Variants in CHSY3 observed in about 807,000 individuals in gnomAD.
CHSY3 encodes the protein N-acetylgalactosaminyl-proteoglycan 3-beta-glucuronosyltransferase 3.
A neutral mutation model predicts 67.2 loss-of-function variants in CHSY3; 35 were observed. The ratio of observed to expected loss-of-function variants is 0.52; its 90% CI spans 0.40 to 0.69. The LOEUF is 0.69. Ranked by LOEUF, CHSY3 falls within the 30% of genes least tolerant of loss-of-function variation. The pLI is 0.00. For synonymous variants in CHSY3, 474 were observed against 434.7 expected, an observed-to-expected ratio of 1.09 and a Z score of -1.12; for missense variants, 1,069 against 1,138.5, an observed-to-expected ratio of 0.94 and a Z score of 0.88.
intron 2 of CHSY3, among the ~76,000 whole-genome samples, chr5:130,013,546 G>A (rs145791258): frequency 6.6e-5 from 10 of 152,278 alleles, no homozygotes; most frequent in African/African-American, 9.6e-5. Context: ...CCAACACCAC[G>A]TGGAGGCTGC....
chr5:130,182,332 C>T (rs1171435698), intron 2 of CHSY3, among the ~76,000 whole-genome samples: 3 of 151,978 alleles, frequency 2.0e-5, no homozygotes, highest in Admixed American at 6.6e-5. Flanking sequence ...TGTCACTTTT[C>T]TGCTAGGTTT....
In CHSY3 at chr5:130,082,483, C is replaced by A. The variant is rs552679436; in HGVS notation, c.1087-101746C>A. Among the ~76,000 whole-genome samples the A allele has an allele frequency of 3.7e-4, 56 of 152,086 alleles. 1 individual carries two copies. The South Asian group carries it at 7.9e-3, about 21-fold the overall frequency. On this transcript the variant is annotated intron_variant, in intron 2 of 2. Coordinates refer to ENST00000305031, the MANE Select transcript of CHSY3 (RefSeq NM_175856.5). Reference sequence around the variant, plus strand: ...TGTGTTTGATCCAATAAAACATTTTCTTTTAATGATTTCTCTTAACGATGT... The same window carrying A: ...TGTGTTTGATCCAATAAAACATTTTATTTTAATGATTTCTCTTAACGATGT...
intron 2 of CHSY3, among the ~76,000 whole-genome samples, chr5:129,960,711 A>G (rs923235238): frequency 3.3e-5 from 5 of 152,042 alleles, no homozygotes; most frequent in Middle Eastern, 3.2e-3. Context: ...TGTTTTATGT[A>G]TGAAATATTT....
At chr5:130,073,508 G>A (rs1766155347) in intron 2 of CHSY3, among the ~76,000 whole-genome samples, 1 of 151,814 alleles carries the variant, frequency 6.6e-6, no homozygotes, top group South Asian at 2.1e-4. Context: ...GGCTGGTCTT[G>A]AACACCCGCC....
rs141396504 is a variant in CHSY3, at chr5:129,968,956, G to T, written c.1086+60596G>T. Among the ~76,000 whole-genome samples the T allele has an allele frequency of 5.6e-3, 844 of 151,768 alleles. 7 individuals carry two copies. Among genetic ancestry groups the T allele is most frequent in the South Asian group, 8.9e-3 (43 of 4,820 alleles). On this transcript the variant is annotated intron_variant, in intron 2 of 2. Coordinates refer to ENST00000305031, the MANE Select transcript of CHSY3 (RefSeq NM_175856.5). ...ATCTGTATGTAACACATTCCTTGGG[G>T]GAATTCTTAATCACTGACTTATTTT...
intron 2 of CHSY3, among the ~76,000 whole-genome samples, chr5:130,124,594 T>A (rs149957672): frequency 6.6e-6 from 1 of 152,186 alleles, no homozygotes; most frequent in African/African-American, 2.4e-5. Context: ...TAGCTGAGAT[T>A]ACAGGCGCCC....
At chr5:129,924,765 T>G (rs1159731267) in intron 2 of CHSY3, among the ~76,000 whole-genome samples, 1 of 152,110 alleles carries the variant, frequency 6.6e-6, no homozygotes, top group Non-Finnish European at 1.5e-5. Context: ...AATTGAATTA[T>G]TGTTTTAAGA....
chr5:129,911,282 T>C (rs1269328672), intron 2 of CHSY3, among the ~76,000 whole-genome samples: 8 of 152,190 alleles, frequency 5.3e-5, no homozygotes, highest in African/African-American at 1.9e-4. Flanking sequence ...TCTGTGTTTG[T>C]ATATACTATT....
chr5:130,093,290 T>G (rs942412951), intron 2 of CHSY3, among the ~76,000 whole-genome samples: 2 of 152,186 alleles, frequency 1.3e-5, no homozygotes, highest in Non-Finnish European at 2.9e-5. Flanking sequence ...GATCATGTCT[T>G]GTTGTTTTTG....
chr5:130,123,754 A>G (rs968059944), intron 2 of CHSY3, among the ~76,000 whole-genome samples: 3 of 152,082 alleles, frequency 2.0e-5, no homozygotes, highest in Non-Finnish European at 4.4e-5. Flanking sequence ...TGATGACAAA[A>G]TATAAAGAAG....
At chr5:130,040,499 T>G (rs2429191) in intron 2 of CHSY3, among the ~76,000 whole-genome samples, 81,665 of 152,014 alleles carry the variant, frequency 0.54, 22,344 homozygotes, top group East Asian at 0.67. Context: ...TTTGTCCATA[T>G]TTAATTTTGA....
At chr5:129,944,620 A>G (rs1761798308) in intron 2 of CHSY3, among the ~76,000 whole-genome samples, 1 of 152,142 alleles carries the variant, frequency 6.6e-6, no homozygotes. Flanking sequence ...GGTGTGAGCC[A>G]CCGCGCCCAG....
chr5:130,145,558 C>A (rs956015050), intron 2 of CHSY3, among the ~76,000 whole-genome samples: 1 of 152,028 alleles, frequency 6.6e-6, no homozygotes, highest in Non-Finnish European at 1.5e-5. Flanking sequence ...ATTTTTAAAC[C>A]AAGACCTCAA....
intron 2 of CHSY3, among the ~76,000 whole-genome samples, chr5:130,084,854 C>G: frequency 6.6e-6 from 1 of 151,814 alleles, no homozygotes; most frequent in East Asian, 2.0e-4. Context: ...AAGGGAGTGT[C>G]TGGGTTAAGA....
At chr5:129,938,242 T>G (rs1439635218) in intron 2 of CHSY3, among the ~76,000 whole-genome samples, 4 of 152,030 alleles carry the variant, frequency 2.6e-5, no homozygotes, top group Non-Finnish European at 4.4e-5. Flanking sequence ...CTGCATAGAG[T>G]AAGGGGGCCT....
chr5:130,104,103 A>G (rs1767339116), intron 2 of CHSY3, among the ~76,000 whole-genome samples: 1 of 151,858 alleles, frequency 6.6e-6, no homozygotes, highest in Non-Finnish European at 1.5e-5. Context: ...GCATGTTTAT[A>G]AGGTTGATTC....
At position 130,186,143 on chromosome 5, in the gene CHSY3, C is replaced by T. The variant is rs1019669451; in HGVS notation, c.*352C>T. 21 of 154,820 alleles carry T rather than the reference C, an allele frequency of 1.4e-4. No individual in the cohort carries two copies. The highest frequency in any genetic ancestry group is 4.1e-4 in the South Asian group (2 of 4,850). 9.6% of individuals were successfully genotyped at this position (154,820 alleles called of 1,614,324 possible). A position where few individuals can be genotyped will look rare whatever the true frequency, so the allele number is the denominator to read the frequency against. On this transcript the variant is annotated 3_prime_UTR_variant, in exon 3 of 3. Coordinates refer to ENST00000305031, the MANE Select transcript of CHSY3 (RefSeq NM_175856.5). ...CTCTTGGGGCTTAAAGATGCAATAT[C>T]GACTTTTATTTGGTTTCTCAAATTC...
chr5:130,138,929 A>C (rs1768763331), intron 2 of CHSY3, among the ~76,000 whole-genome samples: 1 of 152,148 alleles, frequency 6.6e-6, no homozygotes, highest in South Asian at 2.1e-4. Context: ...ATTTTTGGTG[A>C]ATTCATCATT....
intron 2 of CHSY3, among the ~76,000 whole-genome samples, chr5:130,149,743 A>G (rs1211008599): frequency 6.6e-6 from 1 of 152,218 alleles, no homozygotes; most frequent in Non-Finnish European, 1.5e-5. Context: ...TGGTATAACA[A>G]GGGTCAGCTA....
Sources: gnomAD v4.1 joint callset for allele counts (sites outside exome capture counted in the v4.1 genomes callset) on GRCh38, gnomAD v4.1.1 for gene constraint, MANE v1.5 for transcripts, NCBI Gene and HGNC (gene_info 2026-07-23, HGNC 2026-07-21) for gene names.